The following ST6GALNAC3 variants were observed in gnomAD, a reference collection of about 807,000 sequenced individuals.
ST6GALNAC3 encodes ST6 N-acetylgalactosaminide alpha-2,6-sialyltransferase 3, also known as alpha-N-acetylgalactosaminide alpha-2,6-sialyltransferase 3.
Under a neutral mutation model 32.7 loss-of-function variants are expected in ST6GALNAC3, and 25 were observed. That is an observed-to-expected ratio of 0.76 (90% confidence interval 0.56 to 1.07). The LOEUF (loss-of-function observed/expected upper bound fraction) is 1.07. ST6GALNAC3 is among the 50% of genes least tolerant of loss of function. The pLI is 0.00. For missense variants in ST6GALNAC3, 355 were observed against 382.4 expected (o/e 0.93, Z 0.60); for synonymous variants, 129 against 133.1 (o/e 0.97, Z 0.21).
At chr1:76,516,025 G>A (rs1039211101) in intron 3 of ST6GALNAC3, among the ~76,000 whole-genome samples, 2 of 152,142 alleles carry the variant, frequency 1.3e-5, no homozygotes, top group Non-Finnish European at 2.9e-5. Context: ...TACTATTATT[G>A]TATTGCTGTC....
At chr1:76,327,677 C>T (rs1304211154) in intron 2 of ST6GALNAC3, among the ~76,000 whole-genome samples, 1 of 152,186 alleles carries the variant, frequency 6.6e-6, no homozygotes, top group Non-Finnish European at 1.5e-5. Flanking sequence ...GCAACCTCCA[C>T]CTCCTGGGTT....
intron 1 of ST6GALNAC3, among the ~76,000 whole-genome samples, chr1:76,184,983 G>A (rs1237981977): frequency 2.0e-5 from 3 of 152,180 alleles, no homozygotes; most frequent in African/African-American, 7.2e-5. Context: ...CTCTGACAAC[G>A]AAGTGCCCTT....
intron 3 of ST6GALNAC3, among the ~76,000 whole-genome samples, chr1:76,620,924 C>T (rs1293497273): frequency 1.3e-5 from 2 of 152,024 alleles, no homozygotes; most frequent in Non-Finnish European, 2.9e-5. Context: ...AGAAAATCAG[C>T]ATTTCCAATT....
intron 3 of ST6GALNAC3, among the ~76,000 whole-genome samples, chr1:76,548,576 C>CT (rs772028533): frequency 6.6e-6 from 1 of 152,114 alleles, no homozygotes; most frequent in Non-Finnish European, 1.5e-5. Flanking sequence ...GGCGTTGTTG[C>CT]TTTTTTCAGG....
Position 76,630,557 on chromosome 1 carries a change from A to G in ST6GALNAC3, c.*1751A>G. 1.0e-6 allele frequency: 1 copy of G among 985,432 alleles called. No homozygotes were observed. The highest frequency in any genetic ancestry group is 1.2e-6 in the Non-Finnish European group (1 of 829,858). 61.0% of individuals were successfully genotyped at this position (985,432 alleles called of 1,614,324 possible). A position where few individuals can be genotyped will look rare whatever the true frequency, so the allele number is the denominator to read the frequency against. ...AAGACAAAAGCCAGGCTCAACTTATAGAATGTTTTGGAAACTGGAAGTAAT... is the reference window on the plus strand; with the variant it reads ...AAGACAAAAGCCAGGCTCAACTTATGGAATGTTTTGGAAACTGGAAGTAAT... On this transcript the variant is annotated 3_prime_UTR_variant, in exon 5 of 5. Transcript: ENST00000328299.
chr1:76,364,328 C>T (rs1423185477), intron 2 of ST6GALNAC3, among the ~76,000 whole-genome samples: 1 of 152,154 alleles, frequency 6.6e-6, no homozygotes, highest in Non-Finnish European at 1.5e-5. Flanking sequence ...GTGGGTGGAT[C>T]ACCTGAAGTC....
At chr1:76,407,718 A>G (rs550130182) in intron 2 of ST6GALNAC3, among the ~76,000 whole-genome samples, 1 of 152,176 alleles carries the variant, frequency 6.6e-6, no homozygotes, top group African/African-American at 2.4e-5. Context: ...CAATTCAACT[A>G]TAAAGGGAGA....
chr1:76,355,433 A>G (rs886352815), intron 2 of ST6GALNAC3, among the ~76,000 whole-genome samples: 3 of 151,944 alleles, frequency 2.0e-5, no homozygotes, highest in African/African-American at 7.3e-5. Flanking sequence ...TCCCTTTGTG[A>G]TAAAGAGGAT....
chr1:76,250,995 C>T (rs1030414774), intron 1 of ST6GALNAC3, among the ~76,000 whole-genome samples: 3 of 152,146 alleles, frequency 2.0e-5, no homozygotes, highest in African/African-American at 4.8e-5. Flanking sequence ...GACCTTTCTT[C>T]TGGGCTTCAT....
intron 3 of ST6GALNAC3, among the ~76,000 whole-genome samples, chr1:76,567,410 G>C (rs192908412): frequency 2.0e-5 from 3 of 152,072 alleles, no homozygotes; most frequent in Non-Finnish European, 4.4e-5. Context: ...ACTACCAGTT[G>C]TTATTTACTT....
chr1:76,430,825 T>A (rs1655701533), intron 3 of ST6GALNAC3, among the ~76,000 whole-genome samples: 1 of 152,138 alleles, frequency 6.6e-6, no homozygotes, highest in Non-Finnish European at 1.5e-5. Flanking sequence ...TATGAGAGTG[T>A]CAATTTCGTA....
chr1:76,238,600 A>G (rs1480396944), intron 1 of ST6GALNAC3, among the ~76,000 whole-genome samples: 2 of 152,174 alleles, frequency 1.3e-5, no homozygotes, highest in African/African-American at 4.8e-5. Flanking sequence ...ATGCAGTGCC[A>G]TTGCCTCTGT....
intron 1 of ST6GALNAC3, among the ~76,000 whole-genome samples, chr1:76,148,140 C>T (rs1044013672): frequency 2.6e-5 from 4 of 152,184 alleles, no homozygotes; most frequent in Non-Finnish European, 5.9e-5. Context: ...GTAACCCCCA[C>T]GTGTGCCTCA....
intron 1 of ST6GALNAC3, among the ~76,000 whole-genome samples, chr1:76,081,720 G>A (rs891715877): frequency 2.6e-5 from 4 of 152,116 alleles, no homozygotes; most frequent in African/African-American, 2.4e-5. Context: ...TGGGAGTGAG[G>A]GAGAGTTGGA....
At chr1:76,397,895 T>A (rs1017819867) in intron 2 of ST6GALNAC3, among the ~76,000 whole-genome samples, 1 of 152,282 alleles carries the variant, frequency 6.6e-6, no homozygotes, top group Non-Finnish European at 1.5e-5. Flanking sequence ...TAATAGTTTT[T>A]CTCTGGTTGC....
chr1:76,206,637 A>C (rs1309341998), intron 1 of ST6GALNAC3, among the ~76,000 whole-genome samples: 1 of 152,040 alleles, frequency 6.6e-6, no homozygotes, highest in Non-Finnish European at 1.5e-5. Flanking sequence ...CTGAGGCAGG[A>C]GAATCGCTTC....
At chr1:76,181,900 A>T (rs557475544) in intron 1 of ST6GALNAC3, among the ~76,000 whole-genome samples, 1 of 152,356 alleles carries the variant, frequency 6.6e-6, no homozygotes, top group South Asian at 2.1e-4. Context: ...AACCAGCTGG[A>T]GGCAGATTTG....
chr1:76,490,128 T>A (rs1660398081), intron 3 of ST6GALNAC3, among the ~76,000 whole-genome samples: 1 of 152,072 alleles, frequency 6.6e-6, no homozygotes, highest in South Asian at 2.1e-4. Flanking sequence ...CCTCTCTATC[T>A]CCTGACCCGA....
intron 1 of ST6GALNAC3, among the ~76,000 whole-genome samples, chr1:76,167,119 G>T (rs866772331): frequency 6.0e-4 from 91 of 152,274 alleles, no homozygotes; most frequent in African/African-American, 2.0e-3. Flanking sequence ...CATTCATTAT[G>T]GTGTTGGCTG....
Sources: allele counts gnomAD v4.1 joint callset (sites outside exome capture counted in the v4.1 genomes callset), GRCh38; gene constraint gnomAD v4.1.1; transcripts MANE v1.5; gene names NCBI Gene and HGNC (gene_info 2026-07-23, HGNC 2026-07-21).